Variants in SRPX observed in about 807,000 individuals in gnomAD.
SRPX encodes sushi repeat containing protein X-linked.
A neutral mutation model predicts 38.1 loss-of-function variants in SRPX; 24 were observed. The observed-to-expected ratio is 0.63, with a 90% CI of 0.46 to 0.89. The LOEUF (loss-of-function observed/expected upper bound fraction) is 0.89, where lower values mean the gene tolerates loss of function less well. Ranked by LOEUF, SRPX falls within the 40% of genes least tolerant of loss-of-function variation. SRPX has a pLI of 0.00. For missense variants in SRPX, 416 were observed against 377.8 expected (o/e 1.10, Z -0.84); for synonymous variants, 184 against 153.8 (o/e 1.20, Z -1.45).
intron 1 of SRPX, among the ~76,000 whole-genome samples, chrX:38,191,741 A>AT (rs1206123970): frequency 8.9e-6 from 1 of 112,081 alleles, no homozygotes; most frequent in Non-Finnish European, 1.9e-5. Flanking sequence ...AGTTGATGGC[A>AT]TACTGTGTGC....
intron 2 of SRPX, among the ~76,000 whole-genome samples, chrX:38,177,548 A>AT (rs5902179): frequency 0.35 from 33,685 of 96,558 alleles, 5,313 homozygotes; most frequent in East Asian, 0.71. Flanking sequence ...TTTGTTAACC[A>AT]TTTTTTTTTT....
chrX:38,203,755 C>T (rs56079613), intron 1 of SRPX, among the ~76,000 whole-genome samples: 4,005 of 110,934 alleles, frequency 0.036, 70 homozygotes, highest in Middle Eastern at 0.065. Context: ...TTCCAGCCTG[C>T]GCAACAAAAG....
intron 1 of SRPX, among the ~76,000 whole-genome samples, chrX:38,179,171 C>A (rs985233264): frequency 1.8e-5 from 2 of 110,951 alleles, no homozygotes; most frequent in African/African-American, 6.6e-5. Flanking sequence ...GTCGCGAACT[C>A]CCGACCTCAG....
At chrX:38,156,081 A>C (rs1245134357) in intron 8 of SRPX, among the ~76,000 whole-genome samples, 1 of 112,455 alleles carries the variant, frequency 8.9e-6, no homozygotes, top group Non-Finnish European at 1.9e-5. Flanking sequence ...CCACTGTAAT[A>C]AATGAATAAA....
chrX:38,178,502 A>G (rs780884402), intron 1 of SRPX, among the ~76,000 whole-genome samples, 158 bp from the exon 2 acceptor site: 1 of 112,118 alleles, frequency 8.9e-6, no homozygotes, highest in Non-Finnish European at 1.9e-5. Context: ...AACAAACAGG[A>G]GATCTCTCAG....
chrX:38,171,806 T>C (rs901759179), intron 4 of SRPX, 75 bp downstream of exon 4: 1 of 1,077,637 alleles, frequency 9.3e-7, no homozygotes, highest in African/African-American at 1.8e-5. Flanking sequence ...TGATGCTCCC[T>C]TTACAATCCA....
At chrX:38,201,431 AT>A (rs1939110088) in intron 1 of SRPX, among the ~76,000 whole-genome samples, 1 of 112,001 alleles carries the variant, frequency 8.9e-6, no homozygotes, top group Non-Finnish European at 1.9e-5. Context: ...AGATGCAGTA[AT>A]CGTACTTCAC....
At chrX:38,175,224 T>G (rs753859268) in intron 2 of SRPX, among the ~76,000 whole-genome samples, 2 of 111,960 alleles carry the variant, frequency 1.8e-5, no homozygotes, top group South Asian at 7.6e-4. Flanking sequence ...TGGGGAACAG[T>G]GAGGAGTTCC....
rs747043526 is a variant in SRPX, at chrX:38,187,909, A to G, written c.98-9565T>C. Among the ~76,000 whole-genome samples the G allele has an allele frequency of 5.3e-5, 6 of 112,449 alleles. No homozygotes were observed. In the South Asian group the frequency reaches 1.5e-3, roughly 28 times the overall value. On this transcript the variant is annotated intron_variant, in intron 1 of 9. Transcript: ENST00000378533. The stretch of plus-strand genomic sequence containing the variant: ...AAGATCTATTCTGTTATATCTTGGC[A>G]AAGTTTCAACAGAGGAGAGATGTCC...
chrX:38,193,745 A>T (rs1159021589), intron 1 of SRPX, among the ~76,000 whole-genome samples: 1 of 112,188 alleles, frequency 8.9e-6, no homozygotes, highest in African/African-American at 3.2e-5. Flanking sequence ...ATCAAATTAC[A>T]GATTGCTCTG....
chrX:38,156,664 A>G (rs1938137443), intron 8 of SRPX, among the ~76,000 whole-genome samples: 1 of 112,445 alleles, frequency 8.9e-6, no homozygotes. Context: ...CTTATTGGTG[A>G]AGACAGACAA....
At chrX:38,179,904 A>G (rs1938636263) in intron 1 of SRPX, among the ~76,000 whole-genome samples, 1 of 111,533 alleles carries the variant, frequency 9.0e-6, no homozygotes, top group Non-Finnish European at 1.9e-5. Context: ...CAGGAGTTCA[A>G]AAAACAGCCT....
intron 1 of SRPX, among the ~76,000 whole-genome samples, chrX:38,183,739 A>T (rs773357471): frequency 3.6e-5 from 4 of 111,977 alleles, no homozygotes; most frequent in Non-Finnish European, 7.5e-5. Context: ...TTATGACATA[A>T]CTATTAATCA....
chrX:38,192,174 CA>C (rs1938918474), intron 1 of SRPX, among the ~76,000 whole-genome samples: 1 of 112,172 alleles, frequency 8.9e-6, no homozygotes, highest in African/African-American at 3.2e-5. Context: ...GCACTGATGA[CA>C]GGGGAGTCAT....
At chrX:38,194,527 T>A (rs1938959258) in intron 1 of SRPX, among the ~76,000 whole-genome samples, 1 of 112,179 alleles carries the variant, frequency 8.9e-6, no homozygotes, top group Admixed American at 9.5e-5. Context: ...AACTCCTAGG[T>A]ACTTAGTCTA....
At chrX:38,191,541 GACAC>G (rs10570334) in intron 1 of SRPX, among the ~76,000 whole-genome samples, 35,941 of 104,986 alleles carry the variant, frequency 0.34, 5,344 homozygotes, top group East Asian at 0.69. Flanking sequence ...ATTATACACA[GACAC>G]ACACACACAC....
intron 1 of SRPX, among the ~76,000 whole-genome samples, chrX:38,190,657 T>C (rs1378836584): frequency 9.0e-6 from 1 of 111,666 alleles, no homozygotes; most frequent in Admixed American, 9.5e-5. Flanking sequence ...AAGGTGCAAC[T>C]AAGCTGACGG....
chrX:38,193,934 T>C (rs951620196), intron 1 of SRPX, among the ~76,000 whole-genome samples: 56 of 112,018 alleles, frequency 5.0e-4, no homozygotes, highest in African/African-American at 1.7e-3. Flanking sequence ...AGAAATACTG[T>C]GAAAGCAGGA....
In SRPX at chrX:38,149,339, T is replaced by C. The variant is rs1489548824; in HGVS notation, c.*372A>G. 8.2e-6 allele frequency: 1 copy of C among 121,851 alleles called. No homozygotes were observed. The highest frequency in any genetic ancestry group is 3.2e-5 in the African/African-American group (1 of 31,207). The allele number at this position is 121,851 out of a possible 1,213,427, so 10.0% of individuals were successfully genotyped here. On this transcript the variant is annotated 3_prime_UTR_variant, in exon 10 of 10. Transcript: ENST00000378533. The stretch of plus-strand genomic sequence containing the variant: ...GACAAACAAAGTGAGTTCTACTAAA[T>C]TTGCTCCAAAACATTTTGTTTTATT...
Sources: gnomAD v4.1 joint callset for allele counts (sites outside exome capture counted in the v4.1 genomes callset) on GRCh38, gnomAD v4.1.1 for gene constraint, MANE v1.5 for transcripts, NCBI Gene and HGNC (gene_info 2026-07-23, HGNC 2026-07-21) for gene names.